HAS2: variants seen among roughly 807,000 people sequenced by gnomAD.
HAS2 encodes hyaluronan synthase 2.
A neutral mutation model predicts 51.6 loss-of-function variants in HAS2; 16 were observed. The observed-to-expected ratio is 0.31, with a 90% CI of 0.21 to 0.47. The LOEUF is 0.47. Among genes scored for constraint, HAS2 ranks in the 20% least tolerant of loss-of-function variants. The pLI is 1.00. For missense variants in HAS2, 361 were observed against 662.6 expected, an observed-to-expected ratio of 0.54 and a Z score of 5.00; for synonymous variants, 228 against 235.5, an observed-to-expected ratio of 0.97 and a Z score of 0.29.
At chr8:121,638,561 A>G (rs1043747543) in intron 1 of HAS2, among the ~76,000 whole-genome samples, 1 of 152,236 alleles carries the variant, frequency 6.6e-6, no homozygotes, top group Admixed American at 6.5e-5. Context: ...TAGTTACAAT[A>G]TTTTGTTCTA....
At position 121,629,330 on chromosome 8, in the gene HAS2, T is replaced by C. The variant is rs1193218981; in HGVS notation, c.11A>G (p.Glu4Gly). Residue 4 changes from glutamate (E) to glycine (G), a missense_variant, in exon 2 of 4, where the codon GAG (glutamate) becomes GGG (glycine). Physicochemically the swap from Glu to Gly is moderately conservative, Grantham distance 98 (BLOSUM62 -2). This residue lies in a region of HAS2 where 145 missense variants were observed against 217.6 expected (regional missense o/e 0.67). Transcript: ENST00000303924. ...TATTCTCAGGATACATAGAAACCTC[T>C]CACAATGCATCTGTAATATAATCAG... Reference protein sequence around the residue: MHCERFLCILRIIG... With the variant: MHCGRFLCILRIIG... 1 of 1,606,482 alleles carries C rather than the reference T, an allele frequency of 6.2e-7. No homozygotes were observed. The highest frequency in any genetic ancestry group is 8.5e-7 in the Non-Finnish European group (1 of 1,175,132).
intron 1 of HAS2, among the ~76,000 whole-genome samples, chr8:121,634,668 G>A (rs1365415747): frequency 6.6e-6 from 1 of 151,742 alleles, no homozygotes; most frequent in South Asian, 2.1e-4. Context: ...TACAGACACA[G>A]GTCCTACCCC....
intron 3 of HAS2, among the ~76,000 whole-genome samples, chr8:121,615,874 A>T (rs1812694952): frequency 6.6e-6 from 1 of 152,236 alleles, no homozygotes; most frequent in Admixed American, 6.5e-5. Flanking sequence ...GCTTTATATA[A>T]AGGCTATTGA....
chr8:121,614,075 T>C lies in HAS2; in HGVS notation c.*34A>G. On this transcript the variant is annotated 3_prime_UTR_variant, in exon 4 of 4. Coordinates refer to ENST00000303924, the MANE Select transcript of HAS2 (RefSeq NM_005328.3). This position sits in a 1 kb window ranked among gnomAD's most constrained non-coding sequence, Gnocchi z 7.2. The stretch of plus-strand genomic sequence containing the variant: ...TACAGCCCCTAGAGGAACTAAGGTG[T>C]TGTGTGTGACTGCAAACGTCAAAAC... The C allele has an allele frequency of 2.5e-6, 4 of 1,613,714 alleles. No individual in the cohort carries two copies. The highest frequency in any genetic ancestry group is 3.4e-6 in the Non-Finnish European group (4 of 1,179,900).
At chr8:121,619,855 A>G (rs1812751710) in intron 2 of HAS2, among the ~76,000 whole-genome samples, 2 of 152,228 alleles carry the variant, frequency 1.3e-5, no homozygotes, top group Admixed American at 1.3e-4. Flanking sequence ...CCAGGCTAAA[A>G]TAAGACTAAA....
chr8:121,615,949 T>G, intron 3 of HAS2, among the ~76,000 whole-genome samples: 1 of 151,066 alleles, frequency 6.6e-6, no homozygotes, highest in South Asian at 2.1e-4. Flanking sequence ...TGCCAGCTCC[T>G]TTTTTTAAAA....
At chr8:121,633,658 T>C (rs1812965952) in intron 1 of HAS2, among the ~76,000 whole-genome samples, 1 of 152,214 alleles carries the variant, frequency 6.6e-6, no homozygotes, top group African/African-American at 2.4e-5. Context: ...AATCCTGTGT[T>C]ACCATAAAAA....
intron 1 of HAS2, among the ~76,000 whole-genome samples, chr8:121,635,182 C>T (rs1462381162): frequency 6.6e-6 from 1 of 152,108 alleles, no homozygotes; most frequent in African/African-American, 2.4e-5. Flanking sequence ...GAGAATTTGA[C>T]CTCTGGAACC....
At chr8:121,629,681 A>C (rs1192165711) in intron 1 of HAS2, among the ~76,000 whole-genome samples, 1 of 152,230 alleles carries the variant, frequency 6.6e-6, no homozygotes, top group East Asian at 1.9e-4. Context: ...ATATGTGGTC[A>C]TAGCCAGGCA....
intron 2 of HAS2, 40 bp from the exon 3 acceptor site, chr8:121,617,246 A>G: frequency 8.1e-7 from 1 of 1,228,444 alleles, no homozygotes; most frequent in South Asian, 1.2e-5. Flanking sequence ...AAGAAAAGGA[A>G]GAACTATAAA....
intron 1 of HAS2, among the ~76,000 whole-genome samples, chr8:121,631,839 G>T (rs1215450347): frequency 6.6e-6 from 1 of 152,228 alleles, no homozygotes; most frequent in Non-Finnish European, 1.5e-5. Context: ...CTTTGCCAGG[G>T]AGAAGCTTAA....
In HAS2 at chr8:121,612,446, A is replaced by G. The variant is rs1812647877; in HGVS notation, c.*1663T>C. On this transcript the variant is annotated 3_prime_UTR_variant, in exon 4 of 4. Transcript: ENST00000303924. ...CTTAGGCAGGATAGATGTAACATAG[A>G]TGACTGCATAAAAAAGAGGCAGAAA... 1 of 152,028 alleles carries G rather than the reference A, an allele frequency of 6.6e-6. No homozygotes were observed. The allele number at this position is 152,028 out of a possible 1,614,324, so 9.4% of individuals were successfully genotyped here. A position where few individuals can be genotyped will look rare whatever the true frequency, so the allele number is the denominator to read the frequency against.
chr8:121,618,370 C>T (rs1357458171), intron 2 of HAS2, among the ~76,000 whole-genome samples: 2 of 152,098 alleles, frequency 1.3e-5, no homozygotes, highest in Non-Finnish European at 2.9e-5. Flanking sequence ...TCAAAAGGTA[C>T]AGCTGATACC....
rs942351476 is a variant in HAS2 at position 121,627,846 on chromosome 8, C to A, written c.627+868G>T. Among the ~76,000 whole-genome samples the A allele has an allele frequency of 2.6e-5, 4 of 152,256 alleles. No individual in the cohort carries two copies. The South Asian group carries it at 6.2e-4, about 24-fold the overall frequency. ...GAGGAGAGGAAGAACATCCCAGTGCCTTTCTTAAACCGGAGACATTTTTCC... is the reference window on the plus strand; with the variant it reads ...GAGGAGAGGAAGAACATCCCAGTGCATTTCTTAAACCGGAGACATTTTTCC... On this transcript the variant is annotated intron_variant, in intron 2 of 3. Coordinates refer to ENST00000303924, the MANE Select transcript of HAS2 (RefSeq NM_005328.3).
intron 2 of HAS2, among the ~76,000 whole-genome samples, chr8:121,622,950 GAA>G (rs796165251): frequency 7.0e-6 from 1 of 142,540 alleles, no homozygotes; most frequent in African/African-American, 2.6e-5. Context: ...AACCATTCCA[GAA>G]AAAAAAAAAA....
rs149471131 is a variant in HAS2 at position 121,638,117 on chromosome 8, G to A, written c.-1+2736C>T. Among the ~76,000 whole-genome samples, 8 of 152,274 alleles carry A rather than the reference G, an allele frequency of 5.3e-5. 1 individual carries two copies. The East Asian group carries it at 1.5e-3, about 29-fold the overall frequency. The stretch of plus-strand genomic sequence containing the variant: ...ATAAATGAACCAGTGACAAGTAAGT[G>A]TTTAAAAATTCAAGAAAAAAATTTT... On this transcript the variant is annotated intron_variant, in intron 1 of 3. Transcript: ENST00000303924.
At chr8:121,616,662 C>T (rs946159036) in intron 3 of HAS2, among the ~76,000 whole-genome samples, 1 of 152,064 alleles carries the variant, frequency 6.6e-6, no homozygotes, top group Non-Finnish European at 1.5e-5. Flanking sequence ...TCTCGAACTC[C>T]TGACCTCAGG....
Position 121,640,887 on chromosome 8 carries a change from CCTGT to C in HAS2, c.-39_-36del, listed in dbSNP as rs1813085351. The C allele has an allele frequency of 1.3e-5, 2 of 152,050 alleles. No individual in the cohort carries two copies. Among genetic ancestry groups the C allele is most frequent in the African/African-American group, 4.8e-5 (2 of 41,396 alleles). 9.4% of individuals were successfully genotyped at this position (152,050 alleles called of 1,614,324 possible). On this transcript the variant is annotated 5_prime_UTR_variant, in exon 1 of 4. Transcript: ENST00000303924. ...CTCTTGGTCATAAAGTCGTCCTCAG[CCTGT>C]CTGTGTGGTCCCGGAGGGTCGGTGG... is the stretch of plus-strand genomic sequence containing the variant.
At chr8:121,621,751 C>G (rs945339267) in intron 2 of HAS2, among the ~76,000 whole-genome samples, 2 of 152,168 alleles carry the variant, frequency 1.3e-5, no homozygotes, top group Non-Finnish European at 2.9e-5. Context: ...AAATAAAAAT[C>G]TCCTGTAGAA....
Sources: gnomAD v4.1 joint callset for allele counts (sites outside exome capture counted in the v4.1 genomes callset) on GRCh38, gnomAD v4.1.1 for gene constraint, gnomAD v4.1.1 regional missense constraint, Gnocchi (gnomAD v3.1) non-coding constraint, MANE v1.5 for transcripts, NCBI Gene and HGNC (gene_info 2026-07-23, HGNC 2026-07-21) for gene names.